The following R3HDM1 variants were observed in gnomAD, a reference collection of about 807,000 sequenced individuals.
The protein encoded by R3HDM1 is R3H domain containing 1.
Under a neutral mutation model 141.1 loss-of-function variants are expected in R3HDM1, and 46 were observed. The ratio of observed to expected loss-of-function variants is 0.33; its 90% CI spans 0.26 to 0.42. The LOEUF is 0.42. Ranked by LOEUF, R3HDM1 falls within the 10% of genes least tolerant of loss-of-function variation. The pLI, the probability that R3HDM1 is intolerant of heterozygous loss-of-function variation, is 1.00. For synonymous variants in R3HDM1, 435 were observed against 472.9 expected (o/e 0.92, Z 1.04); for missense variants, 1,184 against 1,368.3 (o/e 0.87, Z 2.12).
At chr2:135,683,171 T>C (rs1045845489) in intron 21 of R3HDM1, among the ~76,000 whole-genome samples, 1 of 152,200 alleles carries the variant, frequency 6.6e-6, no homozygotes, top group African/African-American at 2.4e-5. Context: ...GAATGAGTTG[T>C]ACGTGAAGCA....
Position 135,581,985 on chromosome 2 carries a change from A to G in R3HDM1, c.-249-20515A>G, listed in dbSNP as rs1056249572. 2.0e-5 allele frequency among the ~76,000 whole-genome samples: 3 copies of G among 152,190 alleles called. No individual in the cohort carries two copies. The South Asian group carries it at 6.2e-4, about 32-fold the overall frequency. ...TTTTAAGGACTAAATGAGATAATAGATGAGTGCTTTGTAACTGTATATCCC... is the reference window on the plus strand; with the variant it reads ...TTTTAAGGACTAAATGAGATAATAGGTGAGTGCTTTGTAACTGTATATCCC... On this transcript the variant is annotated intron_variant, in intron 1 of 26. Coordinates refer to ENST00000683871, the MANE Select transcript of R3HDM1 (RefSeq NM_001378107.1).
At chr2:135,717,742 C>A (rs546304562) in intron 24 of R3HDM1, among the ~76,000 whole-genome samples, 1 of 152,256 alleles carries the variant, frequency 6.6e-6, no homozygotes, top group Admixed American at 6.5e-5. Context: ...CACACATTGG[C>A]GGTAAGAGTG....
chr2:135,719,904 G>GGCAT (rs1482131005), intron 24 of R3HDM1, among the ~76,000 whole-genome samples: 1 of 151,674 alleles, frequency 6.6e-6, no homozygotes, highest in African/African-American at 2.4e-5. Context: ...GGAGTGCAAT[G>GGCAT]GCATGATCTT....
At chr2:135,722,027 C>T (rs2076744768) in intron 25 of R3HDM1, 21 bp downstream of exon 25, 2 of 1,596,198 alleles carry the variant, frequency 1.3e-6, no homozygotes, top group East Asian at 2.2e-5. Context: ...CAACTAACCT[C>T]CTAGGCTTTG....
rs2061524431 is a variant in R3HDM1, at chr2:135,621,690, A to C, written c.418+82A>C. ...CTTTTCCCCTTGAATAATTATATAT[A>C]GTATATCTTTATGTAAAATGACACA... On this transcript the variant is annotated intron_variant, in intron 6 of 26. Coordinates refer to ENST00000683871, the MANE Select transcript of R3HDM1 (RefSeq NM_001378107.1). 14 of 1,381,408 alleles carry C rather than the reference A, an allele frequency of 1.0e-5. No individual in the cohort carries two copies. The South Asian group carries it at 2.6e-4, about 26-fold the overall frequency. 85.6% of individuals were successfully genotyped at this position (1,381,408 alleles called of 1,614,324 possible).
In R3HDM1 at chr2:135,605,213, T is replaced by C. The variant is rs1574275265; in HGVS notation, c.171+197T>C. 5 of 385,038 alleles carry C rather than the reference T, an allele frequency of 1.3e-5. No homozygotes were observed. The East Asian group carries it at 1.9e-4, about 15-fold the overall frequency. 23.9% of individuals were successfully genotyped at this position (385,038 alleles called of 1,614,324 possible). ...TGGCTTGTATCATGTAATATACTTC[T>C]TTTTATTTGTATGTGGCTAGTGCAT... is the stretch of plus-strand genomic sequence containing the variant. On this transcript the variant is annotated intron_variant, in intron 3 of 26. Coordinates refer to ENST00000683871, the MANE Select transcript of R3HDM1 (RefSeq NM_001378107.1).
At chr2:135,693,143 A>G (rs1490481059) in intron 21 of R3HDM1, among the ~76,000 whole-genome samples, 2 of 152,272 alleles carry the variant, frequency 1.3e-5, no homozygotes, top group East Asian at 3.8e-4. Flanking sequence ...GCTAAAATTC[A>G]AAATATAATA....
chr2:135,533,097 A>G (rs185568972), intron 1 of R3HDM1, among the ~76,000 whole-genome samples: 4 of 152,334 alleles, frequency 2.6e-5, no homozygotes, highest in Admixed American at 6.5e-5. Context: ...ACCTAGTTAC[A>G]GAATTGACAT....
At chr2:135,708,787 C>A (rs558744728) in intron 21 of R3HDM1, among the ~76,000 whole-genome samples, 1 of 151,894 alleles carries the variant, frequency 6.6e-6, no homozygotes, top group East Asian at 1.9e-4. Context: ...TGGCAAAACC[C>A]CATTCTACTA....
chr2:135,599,492 A>G (rs1381499573), intron 1 of R3HDM1, among the ~76,000 whole-genome samples: 1 of 152,158 alleles, frequency 6.6e-6, no homozygotes, highest in Non-Finnish European at 1.5e-5. Context: ...CTGTACAACT[A>G]TTTATTATAT....
At chr2:135,604,192 A>G (rs2059855645) in intron 2 of R3HDM1, among the ~76,000 whole-genome samples, 1 of 152,210 alleles carries the variant, frequency 6.6e-6, no homozygotes, top group Non-Finnish European at 1.5e-5. Context: ...TGTATTTTGT[A>G]ATAGAATGTT....
intron 1 of R3HDM1, chr2:135,533,822 G>A (rs1695470495): frequency 9.7e-6 from 2 of 205,686 alleles, no homozygotes; most frequent in East Asian, 1.9e-4. Flanking sequence ...GCGGTGAGCC[G>A]AGATCAGGCC....
chr2:135,616,243 C>T, intron 4 of R3HDM1, 50 bp downstream of exon 4: 1 of 1,517,914 alleles, frequency 6.6e-7, no homozygotes, highest in East Asian at 2.3e-5. Flanking sequence ...TTCCTTCATG[C>T]TTGATGAATC....
chr2:135,668,446 GA>G (rs2067850560), intron 19 of R3HDM1, among the ~76,000 whole-genome samples: 1 of 152,256 alleles, frequency 6.6e-6, no homozygotes, highest in East Asian at 1.9e-4. Flanking sequence ...ATGATTTCTG[GA>G]AAAAACATTC....
intron 19 of R3HDM1, among the ~76,000 whole-genome samples, chr2:135,663,934 T>C (rs553172274): frequency 6.6e-6 from 1 of 150,426 alleles, no homozygotes; most frequent in African/African-American, 2.5e-5. Flanking sequence ...CTCGGGAGGC[T>C]GAGGCAGGAG....
chr2:135,626,841 A>C (rs2062099019), intron 7 of R3HDM1, among the ~76,000 whole-genome samples: 1 of 152,064 alleles, frequency 6.6e-6, no homozygotes. Flanking sequence ...GATGATCCCA[A>C]CCCTAATCTG....
At chr2:135,684,125 C>G (rs377725082) in intron 21 of R3HDM1, among the ~76,000 whole-genome samples, 1 of 152,156 alleles carries the variant, frequency 6.6e-6, no homozygotes, top group East Asian at 1.9e-4. Flanking sequence ...GAGTCTCACT[C>G]TGTCGCCCAG....
At chr2:135,564,371 G>A (rs1195883605) in intron 1 of R3HDM1, among the ~76,000 whole-genome samples, 1 of 152,220 alleles carries the variant, frequency 6.6e-6, no homozygotes, top group South Asian at 2.1e-4. Flanking sequence ...CCAGGCGGGA[G>A]TGCAGTGGCA....
At chr2:135,573,075 T>A (rs1704518252) in intron 1 of R3HDM1, among the ~76,000 whole-genome samples, 2 of 152,178 alleles carry the variant, frequency 1.3e-5, no homozygotes, top group Non-Finnish European at 2.9e-5. Flanking sequence ...TAAAATTGAT[T>A]GTGATTGTTA....
Sources: gnomAD v4.1 joint callset for allele counts (sites outside exome capture counted in the v4.1 genomes callset) on GRCh38, gnomAD v4.1.1 for gene constraint, MANE v1.5 for transcripts, NCBI Gene and HGNC (gene_info 2026-07-23, HGNC 2026-07-21) for gene names.